SYNE2: variants seen among roughly 807,000 people sequenced by gnomAD.
SYNE2 encodes the protein spectrin repeat containing nuclear envelope protein 2, also known as nesprin-2.
In SYNE2, 431 loss-of-function variants were observed where a neutral mutation model predicts 856.3. The observed-to-expected ratio is 0.50, with a 90% CI of 0.47 to 0.55. SYNE2 has a LOEUF of 0.55. SYNE2 is among the 20% of genes least tolerant of loss of function. SYNE2 has a pLI of 0.00. For synonymous variants in SYNE2, 2,923 were observed against 2,872.3 expected, an observed-to-expected ratio of 1.02 and a Z score of -0.56; for missense variants, 8,129 against 8,023.2, an observed-to-expected ratio of 1.01 and a Z score of -0.50.
At chr14:63,764,542 C>A (rs1886603052) in intron 1 of SYNE2, among the ~76,000 whole-genome samples, 1 of 103,602 alleles carries the variant, frequency 9.7e-6, no homozygotes, top group African/African-American at 3.4e-5. Flanking sequence ...AAAAAAAAAT[C>A]TGTTCTTTTG....
intron 1 of SYNE2, among the ~76,000 whole-genome samples, chr14:63,790,350 G>A (rs372905321): frequency 1.3e-5 from 2 of 151,610 alleles, no homozygotes; most frequent in South Asian, 2.1e-4. Context: ...AAAGAAAAAG[G>A]AAGGAAAGAA....
At chr14:63,849,676 G>C (rs1890341748), upstream of SYNE2, among the ~76,000 whole-genome samples, 1 of 152,168 alleles carries the variant, frequency 6.6e-6, no homozygotes, top group Admixed American at 6.6e-5. Flanking sequence ...ATGAGGGTGG[G>C]ATGCAGAAAT....
chr14:63,927,666 G>C (rs1233293523), intron 2 of SYNE2, among the ~76,000 whole-genome samples: 1 of 152,078 alleles, frequency 6.6e-6, no homozygotes, highest in Non-Finnish European at 1.5e-5. Flanking sequence ...GGCCGAGGAG[G>C]ACGGATCACG....
intron 100 of SYNE2, among the ~76,000 whole-genome samples, chr14:64,205,492 AT>A (rs1284759387): frequency 6.6e-6 from 1 of 152,194 alleles, no homozygotes; most frequent in Non-Finnish European, 1.5e-5. Context: ...TAATAAATTA[AT>A]TGCTTCCAAA....
Position 63,986,471 on chromosome 14 carries a change from GA to G in SYNE2, c.2172del (p.Glu725LysfsTer9), listed in dbSNP as rs1181427397. On this transcript the variant is annotated frameshift_variant, in exon 19 of 116. Coordinates refer to ENST00000555002, the MANE Select transcript of SYNE2 (RefSeq NM_182914.3). LOFTEE classifies it high-confidence loss of function. The part of the protein sequence containing the change: ...NQNIKAGEKH[E>X]KENEEFTGQL... Reference sequence around the variant, plus strand: ...AATGTTGTAGGCTGGAGAGAAACATGAAAAAGAAAATGAAGAATTCACAGGG... The same window carrying G: ...AATGTTGTAGGCTGGAGAGAAACATGAAAAGAAAATGAAGAATTCACAGGG... 6.2e-7 allele frequency: 1 copy of G among 1,613,888 alleles called. No individual in the cohort carries two copies. The highest frequency in any genetic ancestry group is 8.5e-7 in the Non-Finnish European group (1 of 1,179,970).
intron 2 of SYNE2, among the ~76,000 whole-genome samples, chr14:63,928,549 A>G (rs1331946905): frequency 5.3e-5 from 8 of 152,200 alleles, no homozygotes; most frequent in East Asian, 3.8e-4. Context: ...TGCTTTCTCT[A>G]TTAGTTAATA....
chr14:63,935,696 T>A (rs1481546533), intron 2 of SYNE2, among the ~76,000 whole-genome samples: 1 of 152,138 alleles, frequency 6.6e-6, no homozygotes, highest in Non-Finnish European at 1.5e-5. Flanking sequence ...TAGTAAAATA[T>A]AACAACCACA....
chr14:64,062,599 G>A (rs2153588059), intron 49 of SYNE2, 152 bp from the exon 50 acceptor site: 1 of 752,660 alleles, frequency 1.3e-6, no homozygotes, highest in Admixed American at 2.6e-5. Context: ...AAAACTTCTT[G>A]GAAAACATTT....
intron 1 of SYNE2, among the ~76,000 whole-genome samples, chr14:63,807,819 T>TCATATATATATA (rs1888423337): frequency 3.9e-5 from 1 of 25,466 alleles, no homozygotes; most frequent in Admixed American, 7.3e-4. Flanking sequence ...TACTCCAGGC[T>TCATATATATATA]TATATATATA....
At chr14:63,811,767 C>T (rs1038120579) in intron 1 of SYNE2, among the ~76,000 whole-genome samples, 2 of 151,994 alleles carry the variant, frequency 1.3e-5, no homozygotes, top group African/African-American at 4.8e-5. Context: ...GACCATAATG[C>T]CCCCCTGAGC....
chr14:64,146,978 G>T (rs183021555), intron 84 of SYNE2, among the ~76,000 whole-genome samples: 11 of 152,176 alleles, frequency 7.2e-5, no homozygotes, highest in Admixed American at 7.2e-4. Flanking sequence ...CACCGTAAGC[G>T]GCCCTTTTCA....
intron 51 of SYNE2, among the ~76,000 whole-genome samples, chr14:64,069,402 G>A (rs147400974): frequency 5.1e-4 from 78 of 152,238 alleles, no homozygotes; most frequent in Non-Finnish European, 9.7e-4. Flanking sequence ...CACCCATTGC[G>A]CACACCTAGG....
intron 23 of SYNE2, among the ~76,000 whole-genome samples, chr14:63,996,075 A>G (rs2096711939): frequency 1.3e-5 from 2 of 152,118 alleles, no homozygotes; most frequent in South Asian, 4.2e-4. Context: ...TGTTTTTCGG[A>G]GAACTCAAAT....
At chr14:63,844,634 G>A (rs1203981784) in intron 1 of SYNE2, among the ~76,000 whole-genome samples, 1 of 152,144 alleles carries the variant, frequency 6.6e-6, no homozygotes, top group African/African-American at 2.4e-5. Context: ...TCATAAATGA[G>A]AGTAGTTTAT....
chr14:63,843,214 C>T lies in SYNE2; in HGVS notation c.-304-9287C>T, dbSNP rs984810568. ...ACCATACCAGGCTAATTTTTATGCC[C>T]GTGTGTGTGTGTGTGTTTTGTAGAG... On this transcript the variant is annotated intron_variant, in intron 1 of 23. Transcript: ENST00000674003. Among the ~76,000 whole-genome samples the T allele has an allele frequency of 8.0e-5, 12 of 150,222 alleles. 1 individual carries two copies. Among genetic ancestry groups the T allele is most frequent in the Non-Finnish European group, 1.8e-4 (12 of 67,444 alleles).
At chr14:64,093,705 C>T (rs144714479) in intron 61 of SYNE2, among the ~76,000 whole-genome samples, 174 of 152,112 alleles carry the variant, frequency 1.1e-3, no homozygotes, top group African/African-American at 3.8e-3. Flanking sequence ...AATTATAGCC[C>T]CTGATGTTTG....
chr14:64,012,305 C>T (rs1484472292), intron 32 of SYNE2, among the ~76,000 whole-genome samples: 1 of 152,186 alleles, frequency 6.6e-6, no homozygotes, highest in Non-Finnish European at 1.5e-5. Context: ...CCCAACTTCT[C>T]ACCTTCTACC....
chr14:64,222,529 A>G (rs2098699318), intron 112 of SYNE2, among the ~76,000 whole-genome samples: 1 of 152,152 alleles, frequency 6.6e-6, no homozygotes, highest in African/African-American at 2.4e-5. Flanking sequence ...ACATGGTGAA[A>G]CCCTGTCTCT....
chr14:63,967,646 C>T lies in SYNE2; in HGVS notation c.991-63C>T, dbSNP rs148644895. 1,060 of 1,538,464 alleles carry T rather than the reference C, an allele frequency of 6.9e-4. 11 individuals are homozygous for T. In the Admixed American group the frequency reaches 0.016, roughly 24 times the overall value. Reference sequence around the variant, plus strand: ...CCTATACCTATAGACCTCAAAATAACAGATTATATGATATAAATGGAATTA... The same window carrying T: ...CCTATACCTATAGACCTCAAAATAATAGATTATATGATATAAATGGAATTA... On this transcript the variant is annotated intron_variant, in intron 10 of 115. Transcript: ENST00000555002.
Sources: gnomAD v4.1 joint callset for allele counts (sites outside exome capture counted in the v4.1 genomes callset) on GRCh38, gnomAD v4.1.1 for gene constraint, MANE v1.5 for transcripts, NCBI Gene and HGNC (gene_info 2026-07-23, HGNC 2026-07-21) for gene names.